TRANK1: variants seen among roughly 807,000 people sequenced by gnomAD.
TRANK1 encodes tetratricopeptide repeat and ankyrin repeat containing 1, also known as TPR and ankyrin repeat-containing protein 1.
A neutral mutation model predicts 266.0 loss-of-function variants in TRANK1; 198 were observed. The ratio of observed to expected loss-of-function variants is 0.74; its 90% CI spans 0.66 to 0.84. The LOEUF is 0.84. Among genes scored for constraint, TRANK1 ranks in the 40% least tolerant of loss-of-function variants. The probability of loss-of-function intolerance (pLI) is 0.00; values close to 1 mark genes in which losing one functional copy is unlikely to be tolerated. For synonymous variants in TRANK1, 1,396 were observed against 1,384.1 expected, an observed-to-expected ratio of 1.01 and a Z score of -0.19; for missense variants, 3,326 against 3,634.6, an observed-to-expected ratio of 0.92 and a Z score of 2.18.
intron 1 of TRANK1, among the ~76,000 whole-genome samples, chr3:36,934,792 A>G (rs1311377889): frequency 2.0e-5 from 3 of 152,186 alleles, no homozygotes; most frequent in Non-Finnish European, 4.4e-5. Flanking sequence ...CTAGAAAACA[A>G]CAAGCCAAAG....
chr3:36,900,851 C>CAAAAAAAAAATAAAAAAAAAAA (rs2079866153), intron 3 of TRANK1, among the ~76,000 whole-genome samples: 1 of 63,008 alleles, frequency 1.6e-5, no homozygotes, highest in African/African-American at 5.5e-5. Flanking sequence ...GACCCTGTCT[C>CAAAAAAAAAATAAAAAAAAAAA]AAAAAAAAAA....
chr3:36,932,647 T>C (rs377295251), intron 1 of TRANK1, among the ~76,000 whole-genome samples: 1 of 152,140 alleles, frequency 6.6e-6, no homozygotes, highest in Non-Finnish European at 1.5e-5. Flanking sequence ...TAAAGCAAAC[T>C]GGAGAGCAAT....
rs748024445 is a variant in TRANK1, at chr3:36,833,310, G to A, written c.6273C>T (p.Leu2091=). ...TTTTGAGAGCCCTGACCAGACTGAG[G>A]AGGATTTCCAAGCCCCCTGGAGCCA... is the stretch of plus-strand genomic sequence containing the variant. ...LGLAPGGLEI[L]LSLVRALKRV... is the part of the protein sequence containing the mutation. The change falls in exon 22 of 24, where the codon CTC becomes CTT. Residue 2091 remains leucine (L), a synonymous_variant. Coordinates refer to ENST00000645898, the MANE Select transcript of TRANK1 (RefSeq NM_001329998.2). 1.2e-6 allele frequency: 2 copies of A among 1,613,980 alleles called. No individual in the cohort carries two copies. Among genetic ancestry groups the A allele is most frequent in the East Asian group, 2.2e-5 (1 of 44,880 alleles).
intron 7 of TRANK1, among the ~76,000 whole-genome samples, chr3:36,890,468 G>A (rs1357435799): frequency 3.9e-5 from 6 of 152,158 alleles, no homozygotes; most frequent in African/African-American, 9.7e-5. Flanking sequence ...TGCACTCAGG[G>A]AGAGGCAAGG....
At chr3:36,870,419 AAAG>A (rs960002643) in intron 9 of TRANK1, among the ~76,000 whole-genome samples, 6 of 130,770 alleles carry the variant, frequency 4.6e-5, no homozygotes, top group African/African-American at 9.7e-5. Context: ...AAAAAAAAAA[AAAG>A]AGAGAGAGAG....
intron 15 of TRANK1, among the ~76,000 whole-genome samples, chr3:36,848,472 G>A (rs1300745023): frequency 3.3e-5 from 5 of 152,140 alleles, no homozygotes. Flanking sequence ...TGTGAGAGTA[G>A]CTCTCCTAGC....
chr3:36,839,606 G>T (rs1559418703), intron 18 of TRANK1, among the ~76,000 whole-genome samples: 1 of 152,100 alleles, frequency 6.6e-6, no homozygotes, highest in African/African-American at 2.4e-5. Context: ...TCCCTGTCTT[G>T]TTAACTTCAT....
chr3:36,832,151 G>A lies in TRANK1; in HGVS notation c.7432C>T (p.Leu2478Phe), dbSNP rs1428226840. The change falls in exon 22 of 24, where the codon CTC becomes TTC. Residue 2478 changes from leucine (L) to phenylalanine (F), a missense_variant. Physicochemically the swap from Leu to Phe is conservative, Grantham distance 22 (BLOSUM62 0). Coordinates refer to ENST00000645898, the MANE Select transcript of TRANK1 (RefSeq NM_001329998.2). The part of the protein sequence containing the change: ...ARLWKNVILC[L>F]PKSYIALLHY... ...AAGAGTGCAATGTAGCTCTTGGGGA[G>A]GCATAGAATGACATTCTTCCAGAGG... 1 of 1,613,986 alleles carries A rather than the reference G, an allele frequency of 6.2e-7. No individual in the cohort carries two copies. The highest frequency in any genetic ancestry group is 8.5e-7 in the Non-Finnish European group (1 of 1,179,886).
chr3:36,909,480 T>C (rs9834686), intron 1 of TRANK1, among the ~76,000 whole-genome samples: 8,430 of 152,120 alleles, frequency 0.055, 397 homozygotes, highest in African/African-American at 0.13. Context: ...GAAGAGGTCC[T>C]TTAGTATTGC....
rs781107866 is a variant in TRANK1, at chr3:36,856,618, T to G, written c.3104A>C (p.Asn1035Thr). The change falls in exon 13 of 24, where the codon AAC becomes ACC. Residue 1035 changes from asparagine to threonine, a missense_variant. Asn to Thr is a moderately conservative substitution (Grantham distance 65). Transcript: ENST00000645898. ...NIMKFHSFST[N>T]MAFNILNDTT... ...GTCATTGAGGATGTTAAAGGCCATG[T>G]TGGTGCTGAAGCTGTGGAACTTCAT... 9.9e-6 allele frequency: 16 copies of G among 1,613,902 alleles called. No individual in the cohort carries two copies. The highest frequency in any genetic ancestry group is 1.4e-5 in the Non-Finnish European group (16 of 1,179,902).
Position 36,855,208 on chromosome 3 carries a change from A to G in TRANK1, c.4514T>C (p.Ile1505Thr). Residue 1505 changes from isoleucine (I) to threonine (T), a missense_variant, in exon 13 of 24, where the codon ATC becomes ACC. Transcript: ENST00000645898. ...CCTGTAATTCTGGTACAGCTGGTGG[A>G]TCTTCTTGGGCTTCCGGACAGCACA... ...KQCAVRKPKKIHQLYQNYRSH... is the reference protein window; with the variant it reads ...KQCAVRKPKKTHQLYQNYRSH... The G allele has an allele frequency of 1.2e-6, 2 of 1,613,358 alleles. No individual in the cohort carries two copies. Among genetic ancestry groups the G allele is most frequent in the Non-Finnish European group, 1.7e-6 (2 of 1,179,376 alleles).
intron 1 of TRANK1, among the ~76,000 whole-genome samples, chr3:36,928,581 C>G (rs1217597076): frequency 1.3e-5 from 2 of 152,026 alleles, no homozygotes; most frequent in African/African-American, 4.8e-5. Flanking sequence ...TGTTTACAGG[C>G]TTAAATTAAT....
intron 17 of TRANK1, among the ~76,000 whole-genome samples, chr3:36,845,849 AT>A (rs1443828388): frequency 6.6e-6 from 1 of 152,200 alleles, no homozygotes; most frequent in Non-Finnish European, 1.5e-5. Flanking sequence ...TATCTTTGAG[AT>A]TTTGAACACA....
At chr3:36,891,111 G>A (rs62245258) in intron 7 of TRANK1, among the ~76,000 whole-genome samples, 6,832 of 152,236 alleles carry the variant, frequency 0.045, 215 homozygotes, top group Non-Finnish European at 0.069. Context: ...AGGCTAAGGC[G>A]GGTGGATCAC....
In TRANK1 at chr3:36,856,235, C is replaced by T; in HGVS notation, c.3487G>A (p.Gly1163Arg). 6.2e-7 allele frequency: 1 copy of T among 1,613,476 alleles called. No homozygotes were observed. Among genetic ancestry groups the T allele is most frequent in the South Asian group, 1.1e-5 (1 of 91,032 alleles). ...CCTGCTGGCTCCACACCGGCTCCTCCTGCGCAGGCTTCATACTCCTGCTCA... is the reference window on the plus strand; with the variant it reads ...CCTGCTGGCTCCACACCGGCTCCTCTTGCGCAGGCTTCATACTCCTGCTCA... ...IDEQEYEACA[G>R]GAGVEPAGDG... Residue 1163 changes from glycine to arginine, a missense_variant, in exon 13 of 24, where the codon GGA (glycine) becomes AGA (arginine). Gly to Arg is a moderately radical substitution (Grantham distance 125). Transcript: ENST00000645898.
At chr3:36,903,063 CA>C (rs2079907143) in intron 3 of TRANK1, 85 bp downstream of exon 3, 16 of 1,463,338 alleles carry the variant, frequency 1.1e-5, no homozygotes, top group Non-Finnish European at 1.3e-5. Flanking sequence ...CACTGCCCCA[CA>C]CTTTCTCTCA....
At chr3:36,872,500 A>T (rs1270557021) in intron 9 of TRANK1, among the ~76,000 whole-genome samples, 1 of 152,244 alleles carries the variant, frequency 6.6e-6, no homozygotes, top group Non-Finnish European at 1.5e-5. Context: ...TTGCTTTTTT[A>T]AATGCAATTC....
In TRANK1 at chr3:36,850,870, CAT is replaced by C; in HGVS notation, c.4887+847_4887+848del. Reference sequence around the variant, plus strand: ...AACAGTGCTCTTGACTTGGGTATAACATAGCCCCTTCAAGCATGCATCATGTG... The same window carrying C: ...AACAGTGCTCTTGACTTGGGTATAACAGCCCCTTCAAGCATGCATCATGTG... On this transcript the variant is annotated intron_variant, in intron 15 of 23. Coordinates refer to ENST00000645898, the MANE Select transcript of TRANK1 (RefSeq NM_001329998.2). 3.0e-6 allele frequency: 3 copies of C among 985,430 alleles called. No homozygotes were observed. The South Asian group carries it at 1.4e-4, about 46-fold the overall frequency. 61.0% of individuals were successfully genotyped at this position (985,430 alleles called of 1,614,324 possible).
At chr3:36,842,601 C>G (rs765441312) in intron 18 of TRANK1, 21 bp downstream of exon 18, 1 of 1,609,358 alleles carries the variant, frequency 6.2e-7, no homozygotes, top group African/African-American at 1.3e-5. Flanking sequence ...GACAAGGACC[C>G]CTCCTAGTCC....
Sources: allele counts gnomAD v4.1 joint callset (sites outside exome capture counted in the v4.1 genomes callset), GRCh38; gene constraint gnomAD v4.1.1; transcripts MANE v1.5; gene names NCBI Gene and HGNC (gene_info 2026-07-23, HGNC 2026-07-21).